LUZP1: variants seen among roughly 807,000 people sequenced by gnomAD.
The protein encoded by LUZP1 is filamin mechanobinding actin cross-linking protein.
LUZP1 carries 25 observed loss-of-function variants against 71.3 expected under a neutral mutation model. The ratio of observed to expected loss-of-function variants is 0.35; its 90% CI spans 0.26 to 0.49. The LOEUF (loss-of-function observed/expected upper bound fraction) is 0.49. Ranked by LOEUF, LUZP1 falls within the 20% of genes least tolerant of loss-of-function variation. The pLI, the probability that LUZP1 is intolerant of heterozygous loss-of-function variation, is 0.99. For missense variants in LUZP1, 1,142 were observed against 1,300.8 expected (o/e 0.88, Z 1.88); for synonymous variants, 481 against 506.4 (o/e 0.95, Z 0.67).
rs190635443 is a variant in LUZP1 at position 23,166,464 on chromosome 1, G to A, written c.-226+2302C>T. Among the ~76,000 whole-genome samples the A allele has an allele frequency of 3.9e-5, 6 of 151,962 alleles. No individual in the cohort carries two copies. In the East Asian group the frequency reaches 1.2e-3, roughly 29 times the overall value. ...GAGGTCAGGAGTTCGAAACCAACCC[G>A]GCCAACATGGTGAAACCCCATCTCC... On this transcript the variant is annotated intron_variant, in intron 2 of 4. Coordinates refer to ENST00000302291, the Ensembl canonical transcript of LUZP1.
At chr1:23,106,419 AC>A (rs1169278079) in intron 3 of LUZP1, among the ~76,000 whole-genome samples, 27 of 152,264 alleles carry the variant, frequency 1.8e-4, no homozygotes, top group African/African-American at 6.5e-4. Context: ...AGCCTCGGCA[AC>A]ATGGTGAAAC....
chr1:23,145,717 C>T (rs1569664659), intron 2 of LUZP1, among the ~76,000 whole-genome samples: 2 of 151,658 alleles, frequency 1.3e-5, no homozygotes, highest in African/African-American at 2.4e-5. Context: ...ATGATCCACC[C>T]GCCTCAGCCT....
chr1:23,093,207 T>C lies in LUZP1; in HGVS notation c.1055A>G (p.Glu352Gly). ...CCCTTCTACCTCTCCATTTTCTAAC[T>C]CTTTCTGTTTCTTGATTTGTAGCTT... Residue 352 changes from glutamate (E) to glycine (G), a missense_variant, in exon 4 of 5, where the codon GAG becomes GGG. Coordinates refer to ENST00000302291, the Ensembl canonical transcript of LUZP1. This position sits in a 1 kb window ranked among gnomAD's most constrained non-coding sequence, Gnocchi z 4.2. 6.2e-7 allele frequency: 1 copy of C among 1,614,144 alleles called. No individual in the cohort carries two copies. The highest frequency in any genetic ancestry group is 2.2e-5 in the East Asian group (1 of 44,880).
At chr1:23,137,259 A>C (rs570180306) in intron 2 of LUZP1, among the ~76,000 whole-genome samples, 1 of 152,272 alleles carries the variant, frequency 6.6e-6, no homozygotes, top group African/African-American at 2.4e-5. Context: ...GGATTTGCAC[A>C]GGCATTTCTT....
intron 2 of LUZP1, among the ~76,000 whole-genome samples, chr1:23,114,098 G>A (rs2124648681): frequency 6.6e-6 from 1 of 152,146 alleles, no homozygotes; most frequent in Non-Finnish European, 1.5e-5. Context: ...GATTCAAACT[G>A]AAACAACTCT....
At position 23,161,571 on chromosome 1, in the gene LUZP1, T is replaced by C. The variant is rs185051367; in HGVS notation, c.-226+7195A>G. On this transcript the variant is annotated intron_variant, in intron 2 of 4. Transcript: ENST00000302291. ...GAGTTTGAGACCAGCCTGAGCAATATTGTAAGACCCCATCTCTAAAAATTA... is the reference window on the plus strand; with the variant it reads ...GAGTTTGAGACCAGCCTGAGCAATACTGTAAGACCCCATCTCTAAAAATTA... Among the ~76,000 whole-genome samples the C allele has an allele frequency of 8.0e-4, 121 of 152,158 alleles. 1 individual carries two copies. Among genetic ancestry groups the C allele is most frequent in the Admixed American group, 6.6e-3 (101 of 15,272 alleles).
chr1:23,104,798 G>A (rs1643967243), intron 3 of LUZP1, among the ~76,000 whole-genome samples: 1 of 152,120 alleles, frequency 6.6e-6, no homozygotes, highest in Admixed American at 6.5e-5. Context: ...TTCAGATCTA[G>A]GCACTACATT....
intron 2 of LUZP1, among the ~76,000 whole-genome samples, chr1:23,159,434 T>TA (rs956716759): frequency 3.9e-5 from 6 of 152,158 alleles, no homozygotes; most frequent in African/African-American, 1.4e-4. Context: ...GGCATTCTTT[T>TA]AAAAAACCTC....
chr1:23,168,846 G>C (rs1232831387), exon 2 of LUZP1: 2 of 152,546 alleles, frequency 1.3e-5, no homozygotes, highest in Non-Finnish European at 2.9e-5. Flanking sequence ...CTCTGGCTCC[G>C]CGGGACTGAC....
intron 2 of LUZP1, among the ~76,000 whole-genome samples, chr1:23,139,045 T>TATAC (rs1389415209): frequency 1.5e-3 from 180 of 119,694 alleles, no homozygotes; most frequent in Non-Finnish European, 2.9e-3. Context: ...TATATATATA[T>TATAC]ACACACATCA....
intron 2 of LUZP1, among the ~76,000 whole-genome samples, chr1:23,160,941 A>G (rs1465555636): frequency 1.3e-5 from 2 of 152,210 alleles, no homozygotes; most frequent in Non-Finnish European, 2.9e-5. Flanking sequence ...AATAAATGCT[A>G]TAAAATTTTA....
intron 2 of LUZP1, among the ~76,000 whole-genome samples, chr1:23,135,788 C>A (rs1005173542): frequency 2.0e-5 from 3 of 152,108 alleles, no homozygotes; most frequent in Non-Finnish European, 2.9e-5. Context: ...AAATATGTAA[C>A]AAATATATGT....
Position 23,137,129 on chromosome 1 carries a change from C to A in LUZP1, c.-225-28002G>T, listed in dbSNP as rs74734259. Among the ~76,000 whole-genome samples, 1,422 of 152,216 alleles carry A rather than the reference C, an allele frequency of 9.3e-3. 22 individuals are homozygous for A. The highest frequency in any genetic ancestry group is 0.033 in the African/African-American group (1,361 of 41,536). Reference sequence around the variant, plus strand: ...AACTCTAGGCAATTAAATAAAAAAACCCACATAGAAAGTATTTCCAAATCC... The same window carrying A: ...AACTCTAGGCAATTAAATAAAAAAAACCACATAGAAAGTATTTCCAAATCC... On this transcript the variant is annotated intron_variant, in intron 2 of 4. Coordinates refer to ENST00000302291, the Ensembl canonical transcript of LUZP1.
At chr1:23,173,852 A>T (rs1644568045) in intron 1 of LUZP1, among the ~76,000 whole-genome samples, 1 of 152,052 alleles carries the variant, frequency 6.6e-6, no homozygotes, top group Admixed American at 6.6e-5. Flanking sequence ...TGCCGAGATG[A>T]TTTTCACTTT....
intron 2 of LUZP1, among the ~76,000 whole-genome samples, chr1:23,124,097 G>T (rs188457624): frequency 6.6e-6 from 1 of 152,196 alleles, no homozygotes; most frequent in East Asian, 1.9e-4. Flanking sequence ...ACCACCCAAG[G>T]TACACACCAT....
At chr1:23,123,492 CAAAA>C (rs10716851) in intron 2 of LUZP1, among the ~76,000 whole-genome samples, 5 of 106,866 alleles carry the variant, frequency 4.7e-5, no homozygotes, top group Admixed American at 1.9e-4. Flanking sequence ...ACTTTGTCTC[CAAAA>C]AAAAAAAAAA....
intron 2 of LUZP1, chr1:23,109,641 T>A (rs1267294974): frequency 6.6e-6 from 1 of 152,218 alleles, no homozygotes; most frequent in Non-Finnish European, 1.5e-5. Context: ...TCAGGTTTAT[T>A]CAATGTCCCC....
chr1:23,091,664 C>T, exon 4 of LUZP1: 2 of 1,614,072 alleles, frequency 1.2e-6, no homozygotes, highest in Non-Finnish European at 1.7e-6. Flanking sequence ...GCCTGTCCTT[C>T]AGGGGCCCAT....
intron 2 of LUZP1, among the ~76,000 whole-genome samples, chr1:23,149,079 TAAAAAAAAAA>T (rs58910170): frequency 5.6e-4 from 21 of 37,402 alleles, no homozygotes; most frequent in African/African-American, 1.7e-3. Context: ...ACACCTTGCC[TAAAAAAAAAA>T]AAAAAAAAAA....
Sources: gnomAD v4.1 joint callset for allele counts (sites outside exome capture counted in the v4.1 genomes callset) on GRCh38, gnomAD v4.1.1 for gene constraint, Gnocchi (gnomAD v3.1) non-coding constraint, MANE v1.5 for transcripts, NCBI Gene and HGNC (gene_info 2026-07-23, HGNC 2026-07-21) for gene names.